Variants in NEK6 observed in about 807,000 individuals in gnomAD.
The protein encoded by NEK6 is NIMA related kinase 6, also known as serine/threonine-protein kinase Nek6.
In NEK6, 27 loss-of-function variants were observed where a neutral mutation model predicts 43.5. That is an observed-to-expected ratio of 0.62 (90% CI 0.46 to 0.86). NEK6 has a LOEUF of 0.86. Among genes scored for constraint, NEK6 ranks in the 40% least tolerant of loss-of-function variants. The pLI is 0.00. For synonymous variants in NEK6, 167 were observed against 164.1 expected (o/e 1.02, Z -0.14); for missense variants, 318 against 414.4 (o/e 0.77, Z 2.02).
chr9:124,259,939 G>C (rs555249460), intron 1 of NEK6, among the ~76,000 whole-genome samples: 1 of 152,334 alleles, frequency 6.6e-6, no homozygotes, highest in South Asian at 2.1e-4. Context: ...TTTCTGGTGG[G>C]TTTGAACAAG....
Position 124,321,445 on chromosome 9 carries a change from C to T in NEK6, c.295-14C>T. The T allele has an allele frequency of 6.4e-7, 1 of 1,572,640 alleles. No homozygotes were observed. The highest frequency in any genetic ancestry group is 8.7e-7 in the Non-Finnish European group (1 of 1,143,058). On this transcript the variant is annotated splice_polypyrimidine_tract_variant and intron_variant, in intron 4 of 9. Transcript: ENST00000320246. ...TCACTTGGTGCCCCCTTCCCTCTTTCCCTCCTCATGCAGCAACTGAACCAC... is the reference window on the plus strand; with the variant it reads ...TCACTTGGTGCCCCCTTCCCTCTTTTCCTCCTCATGCAGCAACTGAACCAC...
intron 7 of NEK6, among the ~76,000 whole-genome samples, chr9:124,328,762 G>A (rs995902151): frequency 1.3e-5 from 2 of 152,226 alleles, no homozygotes; most frequent in Non-Finnish European, 2.9e-5. Flanking sequence ...AGAAATGTAC[G>A]AGCCTAGAGA....
rs189056083 is a variant in NEK6 at position 124,316,153 on chromosome 9, G to A, written c.294+2168G>A. Among the ~76,000 whole-genome samples, 22 of 152,366 alleles carry A rather than the reference G, an allele frequency of 1.4e-4. No individual in the cohort carries two copies. The East Asian group carries it at 1.7e-3, about 12-fold the overall frequency. ...TGCTTCCTACAAAACAAAAGGAAAC[G>A]TGGTTTTCGGAGGGGTGACTGTTGA... On this transcript the variant is annotated intron_variant, in intron 4 of 9. Transcript: ENST00000320246.
chr9:124,313,513 G>A (rs924169542), intron 3 of NEK6, among the ~76,000 whole-genome samples: 3 of 152,082 alleles, frequency 2.0e-5, no homozygotes, highest in East Asian at 1.9e-4. Context: ...GACTACAGGC[G>A]TGCACCACCA....
intron 1 of NEK6, chr9:124,261,243 C>G (rs1461947062): frequency 7.1e-6 from 2 of 280,488 alleles, no homozygotes; most frequent in African/African-American, 4.6e-5. Flanking sequence ...CTTCCTCGCC[C>G]AGGGCCAGAG....
intron 1 of NEK6, among the ~76,000 whole-genome samples, chr9:124,294,941 A>C (rs1004411277): frequency 6.6e-6 from 1 of 152,124 alleles, no homozygotes; most frequent in Non-Finnish European, 1.5e-5. Flanking sequence ...GAGTGAAGAC[A>C]TTTGGAGGAA....
At chr9:124,325,122 C>A (rs1219579073) in intron 5 of NEK6, among the ~76,000 whole-genome samples, 1 of 151,994 alleles carries the variant, frequency 6.6e-6, no homozygotes, top group Non-Finnish European at 1.5e-5. Context: ...TTGCAGTGAG[C>A]TGAGATCACG....
Position 124,333,624 on chromosome 9 carries a change from G to T in NEK6, c.623-5947G>T, listed in dbSNP as rs540081622. 1.1e-4 allele frequency among the ~76,000 whole-genome samples: 16 copies of T among 152,242 alleles called. 1 individual carries two copies. The South Asian group carries it at 2.7e-3, about 26-fold the overall frequency. ...GCCTTTTGGCAGCTCCTTTTAGACG[G>T]GAACTAACAGTAACATCTCTTGTAA... On this transcript the variant is annotated intron_variant, in intron 7 of 9. Coordinates refer to ENST00000320246, the MANE Select transcript of NEK6 (RefSeq NM_014397.6).
At chr9:124,317,283 C>T (rs970381975) in intron 4 of NEK6, among the ~76,000 whole-genome samples, 2 of 152,178 alleles carry the variant, frequency 1.3e-5, no homozygotes, top group Admixed American at 6.5e-5. Flanking sequence ...AACAGGGTCT[C>T]GCTCTGTCAC....
chr9:124,326,362 G>A lies in NEK6; in HGVS notation c.438G>A (p.Glu146=). The A allele has an allele frequency of 6.2e-7, 1 of 1,611,926 alleles. No individual in the cohort carries two copies. Among genetic ancestry groups the A allele is most frequent in the Non-Finnish European group, 8.5e-7 (1 of 1,179,968 alleles). The change falls in exon 6 of 10, where the codon GAG becomes GAA. Residue 146 remains glutamate (E), a synonymous_variant. Transcript: ENST00000320246. This position sits in a 1 kb window ranked among gnomAD's most constrained non-coding sequence, Gnocchi z 4.5. Reference sequence around the variant, plus strand: ...AGAAGCAGAAGCGGCTCATCCCGGAGAGGACAGTATGGAAGTACTTTGTGC... The same window carrying A: ...AGAAGCAGAAGCGGCTCATCCCGGAAAGGACAGTATGGAAGTACTTTGTGC... ...YFKKQKRLIP[E]RTVWKYFVQL...
chr9:124,296,568 AG>A (rs1035667441), intron 1 of NEK6, among the ~76,000 whole-genome samples: 8 of 152,206 alleles, frequency 5.3e-5, no homozygotes, highest in African/African-American at 1.9e-4. Context: ...CAGAAGAGGC[AG>A]GCAGGACACA....
intron 4 of NEK6, among the ~76,000 whole-genome samples, 197 bp from the exon 5 acceptor site, chr9:124,321,262 G>A (rs957755256): frequency 2.6e-5 from 4 of 152,268 alleles, no homozygotes; most frequent in Non-Finnish European, 5.9e-5. Flanking sequence ...GAGACTTGGG[G>A]ATGCAAAGTG....
chr9:124,257,699 G>T, upstream of NEK6: 1 of 1,533,780 alleles, frequency 6.5e-7, no homozygotes, highest in Non-Finnish European at 8.7e-7. Flanking sequence ...CGGAGAAGAT[G>T]GGGAGACGCC....
At chr9:124,317,247 T>A (rs1833864193) in intron 4 of NEK6, among the ~76,000 whole-genome samples, 1 of 152,182 alleles carries the variant, frequency 6.6e-6, no homozygotes, top group Non-Finnish European at 1.5e-5. Context: ...CAAGAGGATT[T>A]TCTTTTCTTT....
chr9:124,268,348 G>A (rs1221838066), intron 1 of NEK6, among the ~76,000 whole-genome samples: 1 of 152,214 alleles, frequency 6.6e-6, no homozygotes, highest in Non-Finnish European at 1.5e-5. Context: ...GTTTGCTGAT[G>A]TACCTGGCCT....
At chr9:124,309,895 C>G (rs548177977) in intron 2 of NEK6, among the ~76,000 whole-genome samples, 1 of 152,360 alleles carries the variant, frequency 6.6e-6, no homozygotes, top group African/African-American at 2.4e-5. Flanking sequence ...AGCAGTTGCT[C>G]TGGGGTCAGA....
intron 7 of NEK6, among the ~76,000 whole-genome samples, chr9:124,336,005 C>G (rs1428026469): frequency 6.6e-6 from 1 of 151,920 alleles, no homozygotes; most frequent in Non-Finnish European, 1.5e-5. Context: ...TTTGGGAGGC[C>G]AAAGCGGGCA....
At chr9:124,349,723 T>C (rs1483226665) in intron 9 of NEK6, among the ~76,000 whole-genome samples, 3 of 152,230 alleles carry the variant, frequency 2.0e-5, no homozygotes, top group Non-Finnish European at 4.4e-5. Context: ...CTTGGGTATT[T>C]TAACCTGTCA....
intron 7 of NEK6, among the ~76,000 whole-genome samples, chr9:124,330,769 G>A (rs1044251871): frequency 2.0e-5 from 3 of 152,156 alleles, no homozygotes; most frequent in Non-Finnish European, 4.4e-5. Flanking sequence ...GGCATGGTGA[G>A]GGGACAGGTG....
Sources: gnomAD v4.1 joint callset for allele counts (sites outside exome capture counted in the v4.1 genomes callset) on GRCh38, gnomAD v4.1.1 for gene constraint, Gnocchi (gnomAD v3.1) non-coding constraint, MANE v1.5 for transcripts, NCBI Gene and HGNC (gene_info 2026-07-23, HGNC 2026-07-21) for gene names.